Variants in PODXL observed in about 807,000 individuals in gnomAD.
The protein encoded by PODXL is podocalyxin like.
A neutral mutation model predicts 48.9 loss-of-function variants in PODXL; 20 were observed. The observed-to-expected ratio is 0.41, with a 90% CI of 0.29 to 0.59. The LOEUF is 0.59. Among genes scored for constraint, PODXL ranks in the 20% least tolerant of loss-of-function variants. The probability of loss-of-function intolerance (pLI) is 0.31; values close to 1 mark genes in which losing one functional copy is unlikely to be tolerated. For missense variants in PODXL, 606 were observed against 675.1 expected (o/e 0.90, Z 1.13); for synonymous variants, 295 against 287.4 (o/e 1.03, Z -0.27).
At chr7:131,539,251 G>C (rs2116849731) in intron 1 of PODXL, among the ~76,000 whole-genome samples, 1 of 152,340 alleles carries the variant, frequency 6.6e-6, no homozygotes, top group African/African-American at 2.4e-5. Flanking sequence ...GTGAGCCGGG[G>C]ACCTCTTTGG....
chr7:131,523,209 T>C (rs1798115951), intron 1 of PODXL, among the ~76,000 whole-genome samples: 1 of 152,228 alleles, frequency 6.6e-6, no homozygotes, highest in Non-Finnish European at 1.5e-5. Flanking sequence ...TTTTCCATTA[T>C]TGCCATTTTA....
chr7:131,525,947 T>A (rs773884737), intron 1 of PODXL, among the ~76,000 whole-genome samples: 1 of 152,180 alleles, frequency 6.6e-6, no homozygotes, highest in Non-Finnish European at 1.5e-5. Flanking sequence ...CATGTTTCAA[T>A]AGACAAATAG....
chr7:131,504,341 G>T lies in PODXL; in HGVS notation c.1647C>A (p.Asp549Glu), dbSNP rs1797761658. The T allele has an allele frequency of 1.2e-6, 2 of 1,614,046 alleles. No individual in the cohort carries two copies. Among genetic ancestry groups the T allele is most frequent in the Admixed American group, 3.3e-5 (2 of 60,004 alleles). ...IVPLDNLTKD[D>E]LDEEEDTHL The stretch of plus-strand genomic sequence containing the variant: ...GGTGTGTGTCTTCCTCCTCATCCAG[G>T]TCGTCCTTGGTCAGGTTGTCCAGAG... The change falls in exon 9 of 9, where the codon GAC (aspartate) becomes GAA (glutamate). Residue 549 changes from aspartate to glutamate, a missense_variant. Asp to Glu is a conservative substitution (Grantham distance 45, BLOSUM62 2). Transcript: ENST00000378555.
intron 1 of PODXL, among the ~76,000 whole-genome samples, chr7:131,535,907 G>T (rs930939686): frequency 8.5e-5 from 13 of 152,126 alleles, no homozygotes; most frequent in African/African-American, 3.1e-4. Context: ...GACTACAAGT[G>T]CTTACCACCC....
At position 131,506,122 on chromosome 7, in the gene PODXL, CT is replaced by C. The variant is rs57815158; in HGVS notation, c.1312-88del. The C allele has an allele frequency of 0.01, 15,985 of 1,553,302 alleles. 616 individuals carry two copies. In the African/African-American group the frequency reaches 0.11, roughly 11 times the overall value. The stretch of plus-strand genomic sequence containing the variant: ...ACTGTAGAGCCCCTCCGCTTGCAGT[CT>C]GCTAGGGTCCGTGCCGCCGCCCTCT... On this transcript the variant is annotated intron_variant, in intron 7 of 8. Transcript: ENST00000378555.
chr7:131,530,014 C>T (rs1362161198), intron 1 of PODXL, among the ~76,000 whole-genome samples: 1 of 148,946 alleles, frequency 6.7e-6, no homozygotes, highest in African/African-American at 2.6e-5. Flanking sequence ...CTGCCCAACC[C>T]TAACACTCAT....
chr7:131,539,148 T>A (rs1447657869), intron 1 of PODXL, among the ~76,000 whole-genome samples: 1 of 152,176 alleles, frequency 6.6e-6, no homozygotes, highest in Non-Finnish European at 1.5e-5. Context: ...CCACTCGCCC[T>A]GCCTTTAAGG....
intron 1 of PODXL, among the ~76,000 whole-genome samples, chr7:131,516,710 G>A (rs190235474): frequency 2.2e-4 from 33 of 148,398 alleles, no homozygotes; most frequent in Non-Finnish European, 1.0e-4. Context: ...TGTGGGTCAC[G>A]CTTTGACTGT....
chr7:131,524,499 CAAATAAGCATATGAA>C (rs952039736), intron 1 of PODXL, among the ~76,000 whole-genome samples: 2 of 151,826 alleles, frequency 1.3e-5, no homozygotes, highest in African/African-American at 4.8e-5. Context: ...ATACAGATGG[CAAATAAGCATATGAA>C]AAGATGCTCC....
Position 131,502,213 on chromosome 7 carries a change from G to A in PODXL, c.*2098C>T, listed in dbSNP as rs1797717288. On this transcript the variant is annotated 3_prime_UTR_variant, in exon 9 of 9. Coordinates refer to ENST00000378555, the MANE Select transcript of PODXL (RefSeq NM_001018111.3). ...GGGACCACAACAGAAAACCTACTGG[G>A]TGGAGAGAACCCAGCGCTGGGCAAG... The A allele has an allele frequency of 6.6e-6, 1 of 152,206 alleles. No homozygotes were observed. The highest frequency in any genetic ancestry group is 2.4e-5 in the African/African-American group (1 of 41,432). 9.4% of individuals were successfully genotyped at this position (152,206 alleles called of 1,614,324 possible). A position where few individuals can be genotyped will look rare whatever the true frequency, so the allele number is the denominator to read the frequency against.
intron 1 of PODXL, among the ~76,000 whole-genome samples, 199 bp downstream of exon 1, chr7:131,556,061 C>T (rs1798736008): frequency 6.6e-6 from 1 of 152,366 alleles, no homozygotes; most frequent in Non-Finnish European, 1.5e-5. Context: ...GAATCTACGC[C>T]CAGGCCCTGC....
At chr7:131,506,935 C>G (rs779252414) in intron 5 of PODXL, 5 of 593,116 alleles carry the variant, frequency 8.4e-6, no homozygotes, top group Non-Finnish European at 1.5e-5. Flanking sequence ...TCCTCTGTCT[C>G]GTTCCCATCA....
intron 1 of PODXL, among the ~76,000 whole-genome samples, chr7:131,545,111 A>G (rs189445604): frequency 1.3e-5 from 2 of 152,340 alleles, no homozygotes; most frequent in Admixed American, 1.3e-4. Context: ...GCAACCGGCA[A>G]ACAATGTCTG....
rs528504342 is a variant in PODXL at position 131,506,949 on chromosome 7, C to T, written c.1102-223G>A. On this transcript the variant is annotated intron_variant, in intron 5 of 8. Transcript: ENST00000378555. ...CTCCTCTGTCTCGTTCCCATCAGCC[C>T]GTTCTCCGCACTGTGTTTATCTGGT... 6.6e-4 allele frequency: 385 copies of T among 581,200 alleles called. 1 individual carries two copies. The highest frequency in any genetic ancestry group is 5.9e-3 in the African/African-American group (317 of 53,542). The allele number at this position is 581,200 out of a possible 1,614,324, so 36.0% of individuals were successfully genotyped here.
At position 131,502,080 on chromosome 7, in the gene PODXL, TTTGA is replaced by T. The variant is rs772900013; in HGVS notation, c.*2227_*2230del. On this transcript the variant is annotated 3_prime_UTR_variant, in exon 9 of 9. Coordinates refer to ENST00000378555, the MANE Select transcript of PODXL (RefSeq NM_001018111.3). ...TCCAAGAGGCCATAGGGTTGCAGCC[TTTGA>T]TTGATTTGCAGAGGCCTATTTGCTG... 8 of 152,212 alleles carry T rather than the reference TTTGA, an allele frequency of 5.3e-5. No individual in the cohort carries two copies. Among genetic ancestry groups the T allele is most frequent in the South Asian group, 2.1e-4 (1 of 4,820 alleles). 9.4% of individuals were successfully genotyped at this position (152,212 alleles called of 1,614,324 possible). A position where few individuals can be genotyped will look rare whatever the true frequency, so the allele number is the denominator to read the frequency against.
chr7:131,536,070 G>C (rs1383463268), intron 1 of PODXL, among the ~76,000 whole-genome samples: 1 of 152,150 alleles, frequency 6.6e-6, no homozygotes, highest in African/African-American at 2.4e-5. Context: ...AGAGGACTAT[G>C]TTTTTTAACC....
At chr7:131,543,240 C>A (rs967108096) in intron 1 of PODXL, among the ~76,000 whole-genome samples, 2 of 152,126 alleles carry the variant, frequency 1.3e-5, no homozygotes, top group Non-Finnish European at 2.9e-5. Context: ...TAGTACCCAC[C>A]TCAGCCTCCC....
At chr7:131,523,526 C>CA in intron 1 of PODXL, among the ~76,000 whole-genome samples, 1 of 151,202 alleles carries the variant, frequency 6.6e-6, no homozygotes, top group Admixed American at 6.6e-5. Context: ...ACTAAAAATA[C>CA]AAAAAATTAG....
At chr7:131,549,652 C>A (rs573348313) in intron 1 of PODXL, among the ~76,000 whole-genome samples, 134 of 152,308 alleles carry the variant, frequency 8.8e-4, no homozygotes, top group African/African-American at 2.8e-3. Context: ...TCCACACATC[C>A]CTAGGGGCCT....
Sources: gnomAD v4.1 joint callset for allele counts (sites outside exome capture counted in the v4.1 genomes callset) on GRCh38, gnomAD v4.1.1 for gene constraint, MANE v1.5 for transcripts, NCBI Gene and HGNC (gene_info 2026-07-23, HGNC 2026-07-21) for gene names.